Variants in GNAL observed in about 807,000 individuals in gnomAD.
The protein encoded by GNAL is guanine nucleotide-binding protein G(olf) subunit alpha.
GNAL carries 18 observed loss-of-function variants against 55.1 expected under a neutral mutation model. That is an observed-to-expected ratio of 0.33 (90% confidence interval 0.23 to 0.48). The LOEUF (loss-of-function observed/expected upper bound fraction) is 0.48, where lower values mean the gene tolerates loss of function less well. GNAL is among the 20% of genes least tolerant of loss of function. The pLI is 0.99. For synonymous variants in GNAL, 253 were observed against 237.0 expected (o/e 1.07, Z -0.62); for missense variants, 412 against 614.1 (o/e 0.67, Z 3.48).
chr18:11,739,893 C>T (rs1287240433), intron 1 of GNAL, among the ~76,000 whole-genome samples: 1 of 150,886 alleles, frequency 6.6e-6, no homozygotes, highest in Non-Finnish European at 1.5e-5. Flanking sequence ...TATGGGGAGA[C>T]ACTTTAAGAC....
chr18:11,818,578 A>G lies in GNAL; in HGVS notation c.625-6340A>G, dbSNP rs561668473. Among the ~76,000 whole-genome samples the G allele has an allele frequency of 4.6e-5, 7 of 152,324 alleles. No homozygotes were observed. The East Asian group carries it at 1.4e-3, about 29-fold the overall frequency. On this transcript the variant is annotated intron_variant, in intron 4 of 11. Transcript: ENST00000334049. The stretch of plus-strand genomic sequence containing the variant: ...AGGATTTAGTGCTGCTCACAAAGTT[A>G]CAATACAAGTTAATAAAGCAACTGA...
At chr18:11,788,914 A>AAAAAAAAAATATATAT (rs60071996) in intron 4 of GNAL, among the ~76,000 whole-genome samples, 2 of 56,296 alleles carry the variant, frequency 3.6e-5, no homozygotes, top group African/African-American at 2.0e-4. Context: ...AAAAAAAAAA[A>AAAAAAAAAATATATAT]ATATATATAT....
intron 5 of GNAL, among the ~76,000 whole-genome samples, chr18:11,860,975 G>GT (rs894723102): frequency 1.5e-4 from 23 of 152,184 alleles, no homozygotes; most frequent in African/African-American, 5.1e-4. Flanking sequence ...GTTCTGAACC[G>GT]TTTCGTCTCC....
intron 5 of GNAL, among the ~76,000 whole-genome samples, chr18:11,826,151 T>A (rs529608074): frequency 4.3e-4 from 66 of 152,238 alleles, no homozygotes; most frequent in Admixed American, 1.0e-3. Flanking sequence ...TAGGTTCTAC[T>A]TCCACTCACC....
At chr18:11,862,873 C>T (rs994444799) in intron 6 of GNAL, among the ~76,000 whole-genome samples, 1 of 131,376 alleles carries the variant, frequency 7.6e-6, no homozygotes, top group Admixed American at 9.6e-5. Flanking sequence ...AAAAAAAGCA[C>T]TCCACCATTT....
At chr18:11,822,384 C>T (rs961167476) in intron 4 of GNAL, among the ~76,000 whole-genome samples, 7 of 152,196 alleles carry the variant, frequency 4.6e-5, no homozygotes, top group African/African-American at 1.4e-4. Context: ...GGCAGAGGAT[C>T]GCTTGAGCCT....
At chr18:11,872,521 T>G in intron 10 of GNAL, 123 bp downstream of exon 10, 1 of 657,250 alleles carries the variant, frequency 1.5e-6, no homozygotes, top group South Asian at 1.9e-5. Context: ...TCAATTTTCT[T>G]TCTACTGCCC....
rs1215021074 is a variant in GNAL, at chr18:11,689,429, C to T, written c.-135C>T. On this transcript the variant is annotated 5_prime_UTR_variant, in exon 1 of 12. Coordinates refer to ENST00000334049, the MANE Select transcript of GNAL (RefSeq NM_182978.4). ...TTCCCGCAGCTGGCGGCCGGCAGCG[C>T]CGAACAGGGTCCGGGTGCAGCCCCC... The T allele has an allele frequency of 3.9e-5, 15 of 388,158 alleles. No individual in the cohort carries two copies. The highest frequency in any genetic ancestry group is 4.9e-5 in the Non-Finnish European group (11 of 226,248). 24.0% of individuals were successfully genotyped at this position (388,158 alleles called of 1,614,324 possible).
intron 1 of GNAL, among the ~76,000 whole-genome samples, chr18:11,735,584 C>G (rs1296246861): frequency 6.6e-6 from 1 of 151,862 alleles, no homozygotes; most frequent in Non-Finnish European, 1.5e-5. Flanking sequence ...AACCTTGCCT[C>G]TACTAAAACT....
intron 4 of GNAL, among the ~76,000 whole-genome samples, chr18:11,793,402 C>T (rs1484176424): frequency 6.6e-6 from 1 of 151,988 alleles, no homozygotes; most frequent in Non-Finnish European, 1.5e-5. Flanking sequence ...AATTGAGACT[C>T]CCATCTCTTA....
At chr18:11,764,833 T>TG (rs1282313004) in intron 4 of GNAL, among the ~76,000 whole-genome samples, 2 of 151,856 alleles carry the variant, frequency 1.3e-5, no homozygotes, top group Non-Finnish European at 1.5e-5. Flanking sequence ...TGTAGCTAGG[T>TG]GGGGTGGGCT....
chr18:11,820,801 G>A (rs923850633), intron 4 of GNAL, among the ~76,000 whole-genome samples: 2 of 152,236 alleles, frequency 1.3e-5, no homozygotes, highest in Non-Finnish European at 2.9e-5. Flanking sequence ...GTTTACCCAT[G>A]AGGAAGTTGA....
chr18:11,751,218 T>C lies in GNAL; in HGVS notation c.377-1635T>C, dbSNP rs1481060208. The stretch of plus-strand genomic sequence containing the variant: ...TCCACGACTTCGGCCCGGCCCCCTC[T>C]TCTGACCTCCTTCCCCCAAGTACAA... On this transcript the variant is annotated intron_variant, in intron 1 of 11. Coordinates refer to ENST00000334049, the MANE Select transcript of GNAL (RefSeq NM_182978.4). The surrounding 1 kb of genome is among the most constrained non-coding windows in gnomAD (Gnocchi z 4.5). Among the ~76,000 whole-genome samples, 4 of 151,838 alleles carry C rather than the reference T, an allele frequency of 2.6e-5. No individual in the cohort carries two copies. The highest frequency in any genetic ancestry group is 4.8e-5 in the African/African-American group (2 of 41,346).
At chr18:11,734,888 C>G (rs968177006) in intron 1 of GNAL, among the ~76,000 whole-genome samples, 1 of 148,400 alleles carries the variant, frequency 6.7e-6, no homozygotes, top group Non-Finnish European at 1.5e-5. Flanking sequence ...CTATCTGATG[C>G]AGGAGTGCTT....
intron 5 of GNAL, among the ~76,000 whole-genome samples, chr18:11,831,483 C>CTT (rs2035382869): frequency 1.3e-5 from 2 of 152,272 alleles, no homozygotes; most frequent in South Asian, 4.1e-4. Context: ...TGAAAAAAGT[C>CTT]TAAGGCTGTG....
intron 10 of GNAL, among the ~76,000 whole-genome samples, chr18:11,873,608 A>G (rs1342878831): frequency 6.6e-6 from 1 of 152,204 alleles, no homozygotes; most frequent in Non-Finnish European, 1.5e-5. Flanking sequence ...TCTTCCTGAG[A>G]CCAAATCAAG....
At chr18:11,711,339 T>A (rs965870231) in intron 1 of GNAL, among the ~76,000 whole-genome samples, 3 of 152,210 alleles carry the variant, frequency 2.0e-5, no homozygotes, top group African/African-American at 7.2e-5. Context: ...TCAAAATGTA[T>A]ACATTGATTA....
chr18:11,760,328 G>A (rs557993100), intron 4 of GNAL, among the ~76,000 whole-genome samples: 1 of 152,108 alleles, frequency 6.6e-6, no homozygotes, highest in East Asian at 1.9e-4. Flanking sequence ...ATTCAAAATG[G>A]TACTGAAATT....
At chr18:11,768,876 G>A (rs1347787457) in intron 4 of GNAL, among the ~76,000 whole-genome samples, 17 of 138,208 alleles carry the variant, frequency 1.2e-4, no homozygotes, top group Non-Finnish European at 1.8e-4. Flanking sequence ...CCTGGGCGAC[G>A]GAGCAAGACT....
Sources: gnomAD v4.1 joint callset for allele counts (sites outside exome capture counted in the v4.1 genomes callset) on GRCh38, gnomAD v4.1.1 for gene constraint, Gnocchi (gnomAD v3.1) non-coding constraint, MANE v1.5 for transcripts, NCBI Gene and HGNC (gene_info 2026-07-23, HGNC 2026-07-21) for gene names.